The following OLFM1 variants were observed in gnomAD, a reference collection of about 807,000 sequenced individuals.
OLFM1 encodes the protein noelin.
Under a neutral mutation model 49.7 loss-of-function variants are expected in OLFM1, and 9 were observed. The ratio of observed to expected loss-of-function variants is 0.18; its 90% CI spans 0.11 to 0.32. The LOEUF (loss-of-function observed/expected upper bound fraction) is 0.32. Among genes scored for constraint, OLFM1 ranks in the 10% least tolerant of loss-of-function variants. The pLI is 1.00. For synonymous variants in OLFM1, 240 were observed against 271.8 expected (o/e 0.88, Z 1.15); for missense variants, 369 against 661.8 (o/e 0.56, Z 4.85).
At chr9:135,115,616 C>T (rs537683454) in intron 5 of OLFM1, among the ~76,000 whole-genome samples, 1 of 152,166 alleles carries the variant, frequency 6.6e-6, no homozygotes, top group Non-Finnish European at 1.5e-5. Context: ...TGGCCTCTGC[C>T]CCTAGATGCC....
intron 2 of OLFM1, among the ~76,000 whole-genome samples, chr9:135,091,180 G>A (rs917388206): frequency 6.6e-6 from 1 of 152,162 alleles, no homozygotes; most frequent in Admixed American, 6.5e-5. Flanking sequence ...TTAGTCAGGG[G>A]GCCTTCTCCT....
chr9:135,115,458 G>A (rs1831084537), intron 5 of OLFM1, among the ~76,000 whole-genome samples: 1 of 152,240 alleles, frequency 6.6e-6, no homozygotes, highest in Non-Finnish European at 1.5e-5. Context: ...GTGGACGGAG[G>A]GAAATGGGCC....
chr9:135,110,538 A>T (rs1022831964), intron 5 of OLFM1, among the ~76,000 whole-genome samples: 6 of 152,186 alleles, frequency 3.9e-5, no homozygotes, highest in Admixed American at 1.3e-4. Flanking sequence ...GATCCCACGG[A>T]ATCTTTTTTT....
chr9:135,097,097 T>C (rs553216576), intron 3 of OLFM1, among the ~76,000 whole-genome samples: 1 of 152,360 alleles, frequency 6.6e-6, no homozygotes, highest in African/African-American at 2.4e-5. Flanking sequence ...AAACTGCTGG[T>C]GTACTCTGTC....
intron 5 of OLFM1, among the ~76,000 whole-genome samples, chr9:135,112,265 C>T (rs539247964): frequency 6.6e-6 from 1 of 152,356 alleles, no homozygotes; most frequent in Non-Finnish European, 1.5e-5. Flanking sequence ...CTGTGGGGCT[C>T]TCAGTTGGGA....
chr9:135,087,173 C>T, upstream of OLFM1: 2 of 1,355,098 alleles, frequency 1.5e-6, no homozygotes, highest in Non-Finnish European at 1.9e-6. Flanking sequence ...CCCCCTGGCG[C>T]TGGAGGCCCT....
intron 5 of OLFM1, among the ~76,000 whole-genome samples, chr9:135,110,243 G>C (rs141244415): frequency 1.3e-5 from 2 of 152,102 alleles, no homozygotes; most frequent in African/African-American, 2.4e-5. Flanking sequence ...TCCCCAGCTC[G>C]GAGGCTTCTG....
At chr9:135,094,159 C>A (rs563979697) in intron 2 of OLFM1, among the ~76,000 whole-genome samples, 1 of 152,074 alleles carries the variant, frequency 6.6e-6, no homozygotes, top group Non-Finnish European at 1.5e-5. Context: ...TTGCTTCCTC[C>A]GGCCATGTGG....
rs778874401 is a variant in OLFM1, at chr9:135,117,089, G to A, written c.784-2415G>A. ...ATTGCCAGACAGATGCATGCAGAGCGGCACCAGCCTGCCAGACTCCCTCTG... is the reference window on the plus strand; with the variant it reads ...ATTGCCAGACAGATGCATGCAGAGCAGCACCAGCCTGCCAGACTCCCTCTG... On this transcript the variant is annotated intron_variant, in intron 5 of 5. Coordinates refer to ENST00000371793, the MANE Select transcript of OLFM1 (RefSeq NM_001282611.2). The surrounding 1 kb of genome is among the most constrained non-coding windows in gnomAD (Gnocchi z 5.5). Among the ~76,000 whole-genome samples, 5 of 152,138 alleles carry A rather than the reference G, an allele frequency of 3.3e-5. No homozygotes were observed. Among genetic ancestry groups the A allele is most frequent in the Admixed American group, 1.3e-4 (2 of 15,280 alleles).
intron 2 of OLFM1, among the ~76,000 whole-genome samples, chr9:135,093,936 T>C (rs1203176925): frequency 6.6e-6 from 1 of 152,212 alleles, no homozygotes; most frequent in Non-Finnish European, 1.5e-5. Flanking sequence ...TCTTTAAAAT[T>C]TGTTTTTTAA....
intron 1 of OLFM1, among the ~76,000 whole-genome samples, chr9:135,089,236 A>G (rs1830646813): frequency 6.6e-6 from 1 of 152,212 alleles, no homozygotes; most frequent in Non-Finnish European, 1.5e-5. Flanking sequence ...TGGGGTTGGG[A>G]ATGAATGAGA....
chr9:135,100,263 T>C (rs1830852667), intron 4 of OLFM1, among the ~76,000 whole-genome samples: 1 of 152,184 alleles, frequency 6.6e-6, no homozygotes, highest in Non-Finnish European at 1.5e-5. Context: ...GCCAAGGGCC[T>C]TTCTGAGGGG....
chr9:135,102,467 CACTG>C (rs1442829074), intron 4 of OLFM1, among the ~76,000 whole-genome samples: 1 of 152,246 alleles, frequency 6.6e-6, no homozygotes, highest in East Asian at 1.9e-4. Flanking sequence ...CGCTCAGAAG[CACTG>C]ACTGAGTGGG....
intron 1 of OLFM1, chr9:135,077,343 G>A: frequency 7.7e-7 from 1 of 1,296,118 alleles, no homozygotes; most frequent in Non-Finnish European, 1.0e-6. Flanking sequence ...AGCCTTAATG[G>A]CACCCTGAAG....
chr9:135,110,402 A>G (rs1831005591), intron 5 of OLFM1, among the ~76,000 whole-genome samples: 1 of 152,172 alleles, frequency 6.6e-6, no homozygotes, highest in African/African-American at 2.4e-5. Context: ...CAGGAAGTTC[A>G]TGTTTGAAGG....
rs1420267987 is a variant in OLFM1, at chr9:135,088,646, C to T, written c.150+507C>T. ...ACCGGGCTGGGAGTGGGGCCCCAGCCGGTGGGCTCCGGAGCTCCTGCCCGC... is the reference window on the plus strand; with the variant it reads ...ACCGGGCTGGGAGTGGGGCCCCAGCTGGTGGGCTCCGGAGCTCCTGCCCGC... On this transcript the variant is annotated intron_variant, in intron 1 of 5. Transcript: ENST00000371793. This position sits in a 1 kb window ranked among gnomAD's most constrained non-coding sequence, Gnocchi z 4.8. Among the ~76,000 whole-genome samples, 2 of 152,024 alleles carry T rather than the reference C, an allele frequency of 1.3e-5. No individual in the cohort carries two copies. Among genetic ancestry groups the T allele is most frequent in the African/African-American group, 4.8e-5 (2 of 41,404 alleles).
intron 5 of OLFM1, among the ~76,000 whole-genome samples, chr9:135,112,337 C>T (rs566483164): frequency 1.3e-5 from 2 of 152,376 alleles, no homozygotes; most frequent in East Asian, 3.9e-4. Flanking sequence ...CTCCAGGCTG[C>T]ACTGGCCTTC....
chr9:135,113,051 A>G lies in OLFM1; in HGVS notation c.783+6196A>G, dbSNP rs111552542. Among the ~76,000 whole-genome samples the G allele has an allele frequency of 3.5e-3, 533 of 152,294 alleles. 4 individuals are homozygous for G. The highest frequency in any genetic ancestry group is 0.012 in the African/African-American group (514 of 41,558). Reference sequence around the variant, plus strand: ...GCAGGCTTTGGATGTGCTGTGTGCAAGATCCAGACCAGCGTGCACGCTTCC... The same window carrying G: ...GCAGGCTTTGGATGTGCTGTGTGCAGGATCCAGACCAGCGTGCACGCTTCC... On this transcript the variant is annotated intron_variant, in intron 5 of 5. Coordinates refer to ENST00000371793, the MANE Select transcript of OLFM1 (RefSeq NM_001282611.2). This position sits in a 1 kb window ranked among gnomAD's most constrained non-coding sequence, Gnocchi z 4.0.
intron 3 of OLFM1, chr9:135,097,736 CT>C (rs1396562984): frequency 6.7e-7 from 1 of 1,485,856 alleles, no homozygotes; most frequent in Non-Finnish European, 9.4e-7. Context: ...TTCAGGCAGG[CT>C]AGTGAGCTAG....
Sources: gnomAD v4.1 joint callset for allele counts (sites outside exome capture counted in the v4.1 genomes callset) on GRCh38, gnomAD v4.1.1 for gene constraint, Gnocchi (gnomAD v3.1) non-coding constraint, MANE v1.5 for transcripts, NCBI Gene and HGNC (gene_info 2026-07-23, HGNC 2026-07-21) for gene names.